The following SLC44A5 variants were observed in gnomAD, a reference collection of about 807,000 sequenced individuals.
The protein encoded by SLC44A5 is solute carrier family 44 member 5, also known as choline transporter-like protein 5.
SLC44A5 carries 57 observed loss-of-function variants against 101.8 expected under a neutral mutation model. The ratio of observed to expected loss-of-function variants is 0.56; its 90% CI spans 0.45 to 0.70. The LOEUF (loss-of-function observed/expected upper bound fraction) is 0.70, where lower values mean the gene tolerates loss of function less well. Ranked by LOEUF, SLC44A5 falls within the 30% of genes least tolerant of loss-of-function variation. SLC44A5 has a pLI of 0.00. For missense variants in SLC44A5, 737 were observed against 853.1 expected (o/e 0.86, Z 1.70); for synonymous variants, 281 against 290.9 (o/e 0.97, Z 0.35).
At chr1:75,301,081 T>C (rs1488013561) in intron 4 of SLC44A5, among the ~76,000 whole-genome samples, 3 of 152,184 alleles carry the variant, frequency 2.0e-5, no homozygotes, top group South Asian at 2.1e-4. Context: ...TCCCACCCTC[T>C]TCTTCTTCAT....
At chr1:75,442,273 AT>A (rs921420390) in intron 2 of SLC44A5, among the ~76,000 whole-genome samples, 4 of 152,190 alleles carry the variant, frequency 2.6e-5, no homozygotes, top group African/African-American at 9.6e-5. Flanking sequence ...AGGAAAAAAA[AT>A]AATGAACCTT....
At chr1:75,475,429 C>T (rs1237272235) in intron 2 of SLC44A5, among the ~76,000 whole-genome samples, 2 of 152,220 alleles carry the variant, frequency 1.3e-5, no homozygotes, top group Non-Finnish European at 2.9e-5. Context: ...GTTTAAACTC[C>T]TCTGAACAAG....
chr1:75,228,136 A>G (rs987538101), intron 12 of SLC44A5, among the ~76,000 whole-genome samples: 9 of 152,174 alleles, frequency 5.9e-5, no homozygotes, highest in Non-Finnish European at 1.2e-4. Context: ...CATCAGTAAG[A>G]CATCATGATA....
intron 7 of SLC44A5, among the ~76,000 whole-genome samples, chr1:75,250,256 G>A (rs960710817): frequency 6.6e-6 from 1 of 152,000 alleles, no homozygotes; most frequent in African/African-American, 2.4e-5. Context: ...CGTGGCATTT[G>A]GTTTTCTGTT....
chr1:75,396,498 C>A, intron 3 of SLC44A5, 85 bp downstream of exon 3: 1 of 1,134,630 alleles, frequency 8.8e-7, no homozygotes, highest in Non-Finnish European at 1.3e-6. Flanking sequence ...TTCGCTATTC[C>A]TAGATTTTAA....
At chr1:75,597,515 G>A (rs1336531456) in intron 1 of SLC44A5, among the ~76,000 whole-genome samples, 2 of 152,080 alleles carry the variant, frequency 1.3e-5, no homozygotes, top group African/African-American at 4.8e-5. Flanking sequence ...AAAGAGTAAA[G>A]CTGGAGGCAT....
intron 1 of SLC44A5, among the ~76,000 whole-genome samples, chr1:75,602,705 A>G (rs1675050279): frequency 6.6e-6 from 1 of 152,170 alleles, no homozygotes; most frequent in Non-Finnish European, 1.5e-5. Flanking sequence ...GCTGAGATAA[A>G]TAAGAAAAAT....
intron 2 of SLC44A5, among the ~76,000 whole-genome samples, chr1:75,505,502 GC>G (rs1438095142): frequency 1.3e-5 from 2 of 152,066 alleles, no homozygotes; most frequent in African/African-American, 4.8e-5. Flanking sequence ...TTTCTCTGCA[GC>G]CTCACCATCA....
intron 1 of SLC44A5, among the ~76,000 whole-genome samples, chr1:75,587,799 T>C (rs180843982): frequency 1.4e-4 from 21 of 152,282 alleles, no homozygotes; most frequent in Admixed American, 7.9e-4. Flanking sequence ...TCCTTTTCAG[T>C]TGGGCCCTAA....
chr1:75,549,457 G>A (rs879566866), intron 1 of SLC44A5, among the ~76,000 whole-genome samples: 1 of 152,014 alleles, frequency 6.6e-6, no homozygotes, highest in Non-Finnish European at 1.5e-5. Context: ...CCTCTATCAC[G>A]ATGTATTGGA....
At chr1:75,386,016 T>G (rs566290292) in intron 3 of SLC44A5, among the ~76,000 whole-genome samples, 2 of 152,282 alleles carry the variant, frequency 1.3e-5, no homozygotes. Flanking sequence ...CAACCCCTCA[T>G]GCTAAAAACT....
chr1:75,245,374 G>A (rs1162032877), intron 7 of SLC44A5, among the ~76,000 whole-genome samples: 5 of 152,136 alleles, frequency 3.3e-5, no homozygotes, highest in African/African-American at 1.2e-4. Flanking sequence ...ACATCTTTTA[G>A]AAGGTTAAGA....
intron 2 of SLC44A5, among the ~76,000 whole-genome samples, chr1:75,449,930 G>A (rs1326279729): frequency 1.3e-5 from 2 of 152,066 alleles, no homozygotes; most frequent in African/African-American, 2.4e-5. Context: ...GAATCAGGGA[G>A]GCAGAGGTTG....
At chr1:75,495,155 G>T (rs1219020773) in intron 2 of SLC44A5, among the ~76,000 whole-genome samples, 1 of 152,084 alleles carries the variant, frequency 6.6e-6, no homozygotes, top group Non-Finnish European at 1.5e-5. Context: ...GCCTGTTGGA[G>T]TTAAAAATAA....
intron 2 of SLC44A5, among the ~76,000 whole-genome samples, chr1:75,412,688 G>A (rs1367550589): frequency 6.6e-6 from 1 of 152,142 alleles, no homozygotes; most frequent in Admixed American, 6.5e-5. Context: ...TAAACAGAAA[G>A]TTTCAGAAAT....
At chr1:75,562,678 C>A (rs571613030) in intron 1 of SLC44A5, among the ~76,000 whole-genome samples, 1 of 151,832 alleles carries the variant, frequency 6.6e-6, no homozygotes, top group Non-Finnish European at 1.5e-5. Context: ...CAGAGTGAGA[C>A]GACTCTGTCA....
At chr1:75,376,462 G>A (rs1357263330) in intron 3 of SLC44A5, among the ~76,000 whole-genome samples, 1 of 152,160 alleles carries the variant, frequency 6.6e-6, no homozygotes, top group Non-Finnish European at 1.5e-5. Context: ...AGAGAGCAGT[G>A]GTTCTCCCAG....
At chr1:75,496,037 T>A (rs940546690) in intron 2 of SLC44A5, among the ~76,000 whole-genome samples, 7 of 151,976 alleles carry the variant, frequency 4.6e-5, no homozygotes, top group Non-Finnish European at 2.9e-5. Flanking sequence ...AAATACTAGA[T>A]CTCATTCATC....
intron 2 of SLC44A5, among the ~76,000 whole-genome samples, chr1:75,418,146 G>A (rs772341910): frequency 3.3e-5 from 5 of 152,108 alleles, no homozygotes; most frequent in South Asian, 2.1e-4. Context: ...TGTTGCTTGC[G>A]TTCTGTGCCC....
Sources: allele counts gnomAD v4.1 joint callset (sites outside exome capture counted in the v4.1 genomes callset), GRCh38; gene constraint gnomAD v4.1.1; transcripts MANE v1.5; gene names NCBI Gene and HGNC (gene_info 2026-07-23, HGNC 2026-07-21).